DCAF8L2: variants seen among roughly 807,000 people sequenced by gnomAD.
DCAF8L2 encodes DDB1 and CUL4 associated factor 8 like 2, also known as DDB1- and CUL4-associated factor 8-like protein 2.
For synonymous variants in DCAF8L2, 200 were observed against 190.9 expected, an observed-to-expected ratio of 1.05 and a Z score of -0.39; for missense variants, 430 against 490.7, an observed-to-expected ratio of 0.88 and a Z score of 1.17.
chrX:27,732,181 C>T (rs1043408019), intron 4 of DCAF8L2, among the ~76,000 whole-genome samples: 2 of 111,398 alleles, frequency 1.8e-5, no homozygotes, highest in African/African-American at 3.3e-5. Flanking sequence ...TTCCAGTAAA[C>T]AATGCAATGT....
the DCAF8L2 span, among the ~76,000 whole-genome samples, chrX:27,507,393 T>C: frequency 8.9e-6 from 1 of 111,886 alleles, no homozygotes; most frequent in Non-Finnish European, 1.9e-5. Context: ...ATCAGCCAGA[T>C]GTTTTTGTGT....
chrX:27,537,130 A>C, the DCAF8L2 span, among the ~76,000 whole-genome samples: 1 of 112,272 alleles, frequency 8.9e-6, no homozygotes, highest in East Asian at 2.8e-4. Context: ...CTGAACATAT[A>C]AAAAATGAAT....
chrX:27,640,515 G>T (rs1449345147), intron 2 of DCAF8L2, among the ~76,000 whole-genome samples: 1 of 112,303 alleles, frequency 8.9e-6, no homozygotes, highest in African/African-American at 3.2e-5. Flanking sequence ...GAAGGATATT[G>T]TCATCATTTC....
intron 2 of DCAF8L2, among the ~76,000 whole-genome samples, chrX:27,663,080 A>G (rs893093321): frequency 8.9e-6 from 1 of 111,989 alleles, no homozygotes; most frequent in African/African-American, 3.2e-5. Flanking sequence ...CAAATGGCAC[A>G]TGAAAATAAT....
intron 3 of DCAF8L2, among the ~76,000 whole-genome samples, chrX:27,710,379 G>A (rs1205508197): frequency 9.0e-6 from 1 of 111,219 alleles, no homozygotes; most frequent in Non-Finnish European, 1.9e-5. Flanking sequence ...ATAAATTTGG[G>A]TGTAACTTGT....
chrX:27,669,403 C>T (rs994859069), intron 2 of DCAF8L2, among the ~76,000 whole-genome samples: 16 of 110,451 alleles, frequency 1.4e-4, no homozygotes, highest in Non-Finnish European at 2.6e-4. Flanking sequence ...TGATTATTTA[C>T]TTACCCAGTT....
intron 2 of DCAF8L2, among the ~76,000 whole-genome samples, chrX:27,644,553 C>A (rs1251750197): frequency 1.8e-5 from 2 of 110,284 alleles, no homozygotes; most frequent in African/African-American, 6.6e-5. Flanking sequence ...ATAAATATGA[C>A]CAACAGGTAT....
the DCAF8L2 span, among the ~76,000 whole-genome samples, chrX:27,507,823 C>T: frequency 9.0e-6 from 1 of 111,012 alleles, no homozygotes; most frequent in Non-Finnish European, 1.9e-5. Context: ...TTCTAATTTT[C>T]CTATATAAAA....
chrX:27,487,890 G>GT, the DCAF8L2 span, among the ~76,000 whole-genome samples: 1 of 111,429 alleles, frequency 9.0e-6, no homozygotes, highest in Non-Finnish European at 1.9e-5. Context: ...TTATCTCAAT[G>GT]TTTTTCTGGT....
chrX:27,705,057 T>A (rs1197712873), intron 3 of DCAF8L2, among the ~76,000 whole-genome samples: 2 of 110,881 alleles, frequency 1.8e-5, no homozygotes. Flanking sequence ...AATGCAATAT[T>A]TGTTTTTTGG....
chrX:27,593,165 A>C (rs1395576946), intron 1 of DCAF8L2, among the ~76,000 whole-genome samples: 25 of 111,282 alleles, frequency 2.2e-4, no homozygotes, highest in Non-Finnish European at 4.3e-4. Flanking sequence ...TGCAACCATC[A>C]CCACCATCCA....
At chrX:27,571,997 T>C in the DCAF8L2 span, among the ~76,000 whole-genome samples, 169 of 112,217 alleles carry the variant, frequency 1.5e-3, no homozygotes, top group African/African-American at 5.0e-3. Flanking sequence ...CACCAAGCCC[T>C]GCCCAATTTC....
At chrX:27,501,324 T>C in the DCAF8L2 span, among the ~76,000 whole-genome samples, 1 of 107,687 alleles carries the variant, frequency 9.3e-6, no homozygotes, top group Non-Finnish European at 1.9e-5. Flanking sequence ...GGAGATGTCA[T>C]GTGGAGCCAG....
chrX:27,608,686 T>C (rs1269571509), intron 1 of DCAF8L2, among the ~76,000 whole-genome samples: 3 of 109,723 alleles, frequency 2.7e-5, no homozygotes, highest in Non-Finnish European at 5.7e-5. Context: ...TCAGTCTTAT[T>C]ATCCTGAACA....
the DCAF8L2 span, among the ~76,000 whole-genome samples, chrX:27,564,261 G>A: frequency 3.8e-4 from 42 of 110,732 alleles, 1 homozygote; most frequent in South Asian, 0.016. Flanking sequence ...GCACTATCAC[G>A]AGAAAAGCAG....
At chrX:27,660,371 T>C (rs1929513343) in intron 2 of DCAF8L2, among the ~76,000 whole-genome samples, 1 of 111,508 alleles carries the variant, frequency 9.0e-6, no homozygotes, top group Non-Finnish European at 1.9e-5. Context: ...TTGCTTCTTC[T>C]AATTTTATTG....
the DCAF8L2 span, among the ~76,000 whole-genome samples, chrX:27,500,426 A>T: frequency 8.9e-6 from 1 of 111,811 alleles, no homozygotes; most frequent in African/African-American, 3.2e-5. Context: ...AAAGGAAATA[A>T]TTTTTTATAC....
At chrX:27,527,867 G>C in the DCAF8L2 span, among the ~76,000 whole-genome samples, 2 of 108,693 alleles carry the variant, frequency 1.8e-5, no homozygotes, top group African/African-American at 6.7e-5. Context: ...GGTCAGGCTG[G>C]TCTCAAACTC....
chrX:27,469,335 A>G, the DCAF8L2 span, among the ~76,000 whole-genome samples: 1 of 111,832 alleles, frequency 8.9e-6, no homozygotes, highest in African/African-American at 3.2e-5. Flanking sequence ...TTGATCATCA[A>G]GAATAACATT....
Sources: allele counts gnomAD v4.1 joint callset (sites outside exome capture counted in the v4.1 genomes callset), GRCh38; gene constraint gnomAD v4.1.1; transcripts MANE v1.5; gene names NCBI Gene and HGNC (gene_info 2026-07-23, HGNC 2026-07-21).